FAF1: variants seen among roughly 807,000 people sequenced by gnomAD.
The protein encoded by FAF1 is FAS-associated factor 1.
In FAF1, 25 loss-of-function variants were observed where a neutral mutation model predicts 92.5. That is an observed-to-expected ratio of 0.27 (90% CI 0.20 to 0.38). The LOEUF (loss-of-function observed/expected upper bound fraction) is 0.38. FAF1 is among the 10% of genes least tolerant of loss of function. FAF1 has a pLI of 1.00. For missense variants in FAF1, 636 were observed against 793.3 expected, an observed-to-expected ratio of 0.80 and a Z score of 2.38; for synonymous variants, 234 against 273.2, an observed-to-expected ratio of 0.86 and a Z score of 1.42.
chr1:50,703,991 G>A (rs1280196970), intron 7 of FAF1, among the ~76,000 whole-genome samples: 1 of 151,994 alleles, frequency 6.6e-6, no homozygotes, highest in African/African-American at 2.4e-5. Flanking sequence ...AGTAATAAAG[G>A]CAAAATAAAT....
chr1:50,716,630 C>T (rs1178780661), intron 6 of FAF1, among the ~76,000 whole-genome samples: 1 of 152,176 alleles, frequency 6.6e-6, no homozygotes, highest in Non-Finnish European at 1.5e-5. Flanking sequence ...GTAAATGCAC[C>T]AATCAGCACT....
chr1:50,530,058 A>C (rs1648057800), intron 15 of FAF1, among the ~76,000 whole-genome samples: 1 of 152,126 alleles, frequency 6.6e-6, no homozygotes, highest in Non-Finnish European at 1.5e-5. Flanking sequence ...TTTCTCCTTG[A>C]AGTTACTTTT....
intron 2 of FAF1, among the ~76,000 whole-genome samples, chr1:50,844,262 T>C (rs926131185): frequency 1.3e-5 from 2 of 152,176 alleles, no homozygotes; most frequent in African/African-American, 4.8e-5. Context: ...ATTCCTTATA[T>C]AGCCTGGTTT....
chr1:50,526,333 C>T (rs1408131082), intron 15 of FAF1, among the ~76,000 whole-genome samples: 1 of 151,814 alleles, frequency 6.6e-6, no homozygotes, highest in Non-Finnish European at 1.5e-5. Context: ...TGGTGGCTCA[C>T]ACCTGTAATC....
At chr1:50,884,774 A>T (rs922295395) in intron 1 of FAF1, among the ~76,000 whole-genome samples, 4 of 152,038 alleles carry the variant, frequency 2.6e-5, no homozygotes, top group African/African-American at 9.7e-5. Context: ...CATCAGGGTA[A>T]TACTGGCCTT....
intron 15 of FAF1, among the ~76,000 whole-genome samples, chr1:50,526,775 T>G (rs1178970507): frequency 1.3e-5 from 2 of 152,078 alleles, no homozygotes; most frequent in Admixed American, 1.3e-4. Flanking sequence ...CCAAAGCTGT[T>G]GCACCATTTT....
intron 18 of FAF1, among the ~76,000 whole-genome samples, chr1:50,452,780 T>TA (rs959174644): frequency 6.6e-6 from 1 of 151,962 alleles, no homozygotes; most frequent in Admixed American, 6.6e-5. Context: ...AGGGAGGCAG[T>TA]AAAAAAAAGC....
At chr1:50,884,351 T>TA (rs1271063586) in intron 1 of FAF1, among the ~76,000 whole-genome samples, 165 of 146,804 alleles carry the variant, frequency 1.1e-3, no homozygotes, top group African/African-American at 3.5e-3. Flanking sequence ...CTGCCTCTAC[T>TA]AAAAAAAAAG....
At position 50,905,184 on chromosome 1, in the gene FAF1, C is replaced by G. The variant is rs185697629; in HGVS notation, c.46-47187G>C. On this transcript the variant is annotated intron_variant, in intron 1 of 18. Coordinates refer to ENST00000396153, the MANE Select transcript of FAF1 (RefSeq NM_007051.3). The stretch of plus-strand genomic sequence containing the variant: ...CGTTTGCTCAGAATGATGGTTTCCA[C>G]CTTCATCCGTGTCCCTACAAAGGAC... Among the ~76,000 whole-genome samples, 14 of 152,240 alleles carry G rather than the reference C, an allele frequency of 9.2e-5. 1 individual carries two copies. Among genetic ancestry groups the G allele is most frequent in the Non-Finnish European group, 2.1e-4 (14 of 68,010 alleles).
At chr1:50,493,894 T>G (rs916862167) in intron 15 of FAF1, among the ~76,000 whole-genome samples, 10 of 152,162 alleles carry the variant, frequency 6.6e-5, no homozygotes, top group Non-Finnish European at 1.0e-4. Context: ...CTAAAAGCAA[T>G]CACAGCTGGA....
intron 1 of FAF1, among the ~76,000 whole-genome samples, chr1:50,862,566 T>C (rs944975512): frequency 4.0e-5 from 6 of 151,854 alleles, no homozygotes; most frequent in Non-Finnish European, 8.8e-5. Flanking sequence ...CAAACGTAAA[T>C]GGCCTAAATG....
intron 9 of FAF1, among the ~76,000 whole-genome samples, chr1:50,590,001 G>T (rs898408660): frequency 6.6e-6 from 1 of 152,172 alleles, no homozygotes. Flanking sequence ...ATGCTGGTAT[G>T]TTGGGGCTCT....
intron 8 of FAF1, among the ~76,000 whole-genome samples, chr1:50,632,490 C>T (rs1269630792): frequency 6.6e-6 from 1 of 152,142 alleles, no homozygotes; most frequent in Non-Finnish European, 1.5e-5. Flanking sequence ...GGGAACACAT[C>T]TATTCTTTTT....
intron 4 of FAF1, among the ~76,000 whole-genome samples, chr1:50,786,625 T>C (rs1661374254): frequency 6.6e-6 from 1 of 152,188 alleles, no homozygotes; most frequent in South Asian, 2.1e-4. Flanking sequence ...CAGGAGAATA[T>C]TTGGGGGCAT....
chr1:50,824,875 A>G (rs1012772614), intron 2 of FAF1, among the ~76,000 whole-genome samples: 16 of 152,166 alleles, frequency 1.1e-4, no homozygotes, highest in Non-Finnish European at 1.9e-4. Flanking sequence ...GTTCTCATTC[A>G]TATGTCAGAG....
intron 15 of FAF1, among the ~76,000 whole-genome samples, chr1:50,527,180 A>G (rs1647856099): frequency 1.3e-5 from 2 of 152,054 alleles, no homozygotes; most frequent in African/African-American, 2.4e-5. Flanking sequence ...TGATTCTACA[A>G]ATTGTAGCAG....
chr1:50,904,579 C>A (rs1644820307), intron 1 of FAF1, among the ~76,000 whole-genome samples: 1 of 151,982 alleles, frequency 6.6e-6, no homozygotes, highest in Non-Finnish European at 1.5e-5. Flanking sequence ...TAAGACAAGC[C>A]CTCAGTAATA....
rs180700872 is a variant in FAF1 at position 50,767,941 on chromosome 1, C to T, written c.367+20059G>A. Among the ~76,000 whole-genome samples the T allele has an allele frequency of 5.8e-3, 882 of 152,218 alleles. 4 individuals are homozygous for T. Among genetic ancestry groups the T allele is most frequent in the Non-Finnish European group, 9.1e-3 (616 of 67,998 alleles). ...TCCGATGACTGGATCAAATCCACAC[C>T]TATCAATATAAACTTTGAATGTAAA... On this transcript the variant is annotated intron_variant, in intron 4 of 18. Transcript: ENST00000396153.
Position 50,440,214 on chromosome 1 carries a change from T to TG in FAF1, c.*1225dup, listed in dbSNP as rs1298798424. 6.6e-6 allele frequency: 1 copy of TG among 152,152 alleles called. No homozygotes were observed. The highest frequency in any genetic ancestry group is 2.4e-5 in the African/African-American group (1 of 41,422). 9.4% of individuals were successfully genotyped at this position (152,152 alleles called of 1,614,324 possible). Reference sequence around the variant, plus strand: ...TATTTCAAGACTAAAAATAAATCATTGGCTGTGAAGGTATAAACGGTGTTC... The same window carrying TG: ...TATTTCAAGACTAAAAATAAATCATTGGGCTGTGAAGGTATAAACGGTGTTC... On this transcript the variant is annotated 3_prime_UTR_variant, in exon 19 of 19. Coordinates refer to ENST00000396153, the MANE Select transcript of FAF1 (RefSeq NM_007051.3).
Sources: allele counts gnomAD v4.1 joint callset (sites outside exome capture counted in the v4.1 genomes callset), GRCh38; gene constraint gnomAD v4.1.1; transcripts MANE v1.5; gene names NCBI Gene and HGNC (gene_info 2026-07-23, HGNC 2026-07-21).